Variants in AFAP1 observed in about 807,000 individuals in gnomAD.
AFAP1 encodes actin filament associated protein 1.
Under a neutral mutation model 93.9 loss-of-function variants are expected in AFAP1, and 75 were observed. That is an observed-to-expected ratio of 0.80 (90% CI 0.66 to 0.97). AFAP1 has a LOEUF of 0.97. Ranked by LOEUF, AFAP1 falls within the 50% of genes least tolerant of loss-of-function variation. The pLI, the probability that AFAP1 is intolerant of heterozygous loss-of-function variation, is 0.00. For synonymous variants in AFAP1, 517 were observed against 430.7 expected (o/e 1.20, Z -2.48); for missense variants, 1,201 against 1,050.8 (o/e 1.14, Z -1.98).
intron 2 of AFAP1, among the ~76,000 whole-genome samples, chr4:7,869,404 T>C (rs1467214248): frequency 2.0e-5 from 3 of 152,230 alleles, no homozygotes; most frequent in African/African-American, 4.8e-5. Flanking sequence ...CATGTAGTAA[T>C]AGGACAGACA....
chr4:7,848,127 G>GGAA (rs1713973436), intron 4 of AFAP1, among the ~76,000 whole-genome samples: 1 of 118,738 alleles, frequency 8.4e-6, no homozygotes, highest in Admixed American at 9.5e-5. Context: ...AAGGAAGGAA[G>GGAA]GGAGTGAGTG....
intron 9 of AFAP1, among the ~76,000 whole-genome samples, chr4:7,801,844 G>A (rs1043522104): frequency 6.8e-6 from 1 of 148,048 alleles, no homozygotes; most frequent in Non-Finnish European, 1.5e-5. Flanking sequence ...TACTTGGGAG[G>A]CCGGGGCAGG....
At chr4:7,765,332 G>A (rs16841110) in intron 17 of AFAP1, among the ~76,000 whole-genome samples, 16,409 of 152,186 alleles carry the variant, frequency 0.11, 1,181 homozygotes, top group East Asian at 0.27. Flanking sequence ...TGCATCCTGA[G>A]GACCAGGCTT....
At chr4:7,775,542 T>A (rs1716010959) in intron 14 of AFAP1, 1 of 152,320 alleles carries the variant, frequency 6.6e-6, no homozygotes, top group Non-Finnish European at 1.5e-5. Flanking sequence ...GTCATCTGAC[T>A]GGCTCTGAAT....
chr4:7,935,053 A>C (rs748132235), intron 1 of AFAP1, among the ~76,000 whole-genome samples: 18 of 152,238 alleles, frequency 1.2e-4, no homozygotes, highest in African/African-American at 3.6e-4. Flanking sequence ...AAAAAACCCT[A>C]ATCAAGCTCC....
Position 7,843,223 on chromosome 4 carries a change from G to A in AFAP1, c.462C>T (p.Ala154=), listed in dbSNP as rs1327696350. 2 of 1,614,202 alleles carry A rather than the reference G, an allele frequency of 1.2e-6. No individual in the cohort carries two copies. The highest frequency in any genetic ancestry group is 1.7e-6 in the Non-Finnish European group (2 of 1,180,038). ...TCCGCAGCAGGAAGGCGCAGATTTT[G>A]GCGTCCTTGACCAGGTCCATGGAGG... ...EEASMDLVKD[A]KICAFLLRKK... is the part of the protein sequence containing the mutation. The change falls in exon 5 of 18, where the codon GCC becomes GCT. Residue 154 remains alanine (A), a synonymous_variant. Transcript: ENST00000420658.
chr4:7,846,396 G>C (rs1713703967), intron 4 of AFAP1, among the ~76,000 whole-genome samples: 1 of 152,230 alleles, frequency 6.6e-6, no homozygotes, highest in Admixed American at 6.5e-5. Context: ...CGAGAAGATG[G>C]GCAGAGGCCA....
intron 4 of AFAP1, among the ~76,000 whole-genome samples, chr4:7,850,292 T>C (rs756886758): frequency 2.6e-5 from 4 of 152,184 alleles, no homozygotes; most frequent in Admixed American, 2.0e-4. Flanking sequence ...CCTGTGCACA[T>C]GACCATCCAA....
chr4:7,890,357 C>G (rs1052705699), intron 1 of AFAP1, among the ~76,000 whole-genome samples: 2 of 152,122 alleles, frequency 1.3e-5, no homozygotes, highest in South Asian at 4.1e-4. Flanking sequence ...CTCCTTACGT[C>G]GTACCAAATA....
chr4:7,839,766 C>G (rs1268236292), intron 5 of AFAP1, among the ~76,000 whole-genome samples: 1 of 152,054 alleles, frequency 6.6e-6, no homozygotes, highest in African/African-American at 2.4e-5. Context: ...TCCCTTACCC[C>G]CGTTTGTTTA....
intron 1 of AFAP1, among the ~76,000 whole-genome samples, chr4:7,906,272 A>AG (rs1719396232): frequency 6.7e-6 from 1 of 149,430 alleles, no homozygotes; most frequent in African/African-American, 2.6e-5. Context: ...CAAGAGAATC[A>AG]GGGGGCAACA....
chr4:7,776,601 C>A (rs568446261), intron 14 of AFAP1: 1 of 152,052 alleles, frequency 6.6e-6, no homozygotes, highest in Non-Finnish European at 1.5e-5. Context: ...ATTCTTGCAA[C>A]GTAAGTTATC....
At chr4:7,782,205 C>A (rs1055158274) in intron 12 of AFAP1, among the ~76,000 whole-genome samples, 1 of 152,232 alleles carries the variant, frequency 6.6e-6, no homozygotes, top group African/African-American at 2.4e-5. Flanking sequence ...AGAGACAGGG[C>A]CTGGAGCCGG....
intron 9 of AFAP1, among the ~76,000 whole-genome samples, chr4:7,804,476 A>AGATC (rs1359357054): frequency 2.0e-4 from 1 of 5,006 alleles, no homozygotes; most frequent in East Asian, 0.012. Flanking sequence ...TGGCAAGAGG[A>AGATC]TCATGCTAGA....
intron 1 of AFAP1, among the ~76,000 whole-genome samples, chr4:7,882,145 A>G (rs1192222474): frequency 6.6e-6 from 1 of 152,200 alleles, no homozygotes; most frequent in Non-Finnish European, 1.5e-5. Context: ...ACCCTCCACA[A>G]GAAAAGTCAT....
chr4:7,807,452 C>T (rs1465569378), intron 9 of AFAP1, among the ~76,000 whole-genome samples: 3 of 152,186 alleles, frequency 2.0e-5, no homozygotes, highest in Non-Finnish European at 4.4e-5. Flanking sequence ...TCTGACAGCA[C>T]TTCGGCAGGG....
intron 1 of AFAP1, among the ~76,000 whole-genome samples, chr4:7,876,245 T>C (rs2149190979): frequency 6.6e-6 from 1 of 152,330 alleles, no homozygotes; most frequent in Admixed American, 6.5e-5. Flanking sequence ...TGGGAGTTTG[T>C]CGTGGCCCTG....
intron 4 of AFAP1, among the ~76,000 whole-genome samples, chr4:7,850,641 C>T (rs774435822): frequency 2.9e-4 from 44 of 152,346 alleles, no homozygotes; most frequent in South Asian, 4.1e-4. Flanking sequence ...GGCCCATCTC[C>T]GAGGCCAGCA....
intron 6 of AFAP1, among the ~76,000 whole-genome samples, chr4:7,820,258 G>A (rs576171641): frequency 8.5e-5 from 13 of 152,316 alleles, no homozygotes; most frequent in Admixed American, 7.8e-4. Flanking sequence ...ACTGGGTGGT[G>A]CTATTTACTC....
Sources: gnomAD v4.1 joint callset for allele counts (sites outside exome capture counted in the v4.1 genomes callset) on GRCh38, gnomAD v4.1.1 for gene constraint, MANE v1.5 for transcripts, NCBI Gene and HGNC (gene_info 2026-07-23, HGNC 2026-07-21) for gene names.